CLK3: variants seen among roughly 807,000 people sequenced by gnomAD.
CLK3 encodes CDC like kinase 3, also known as dual specificity protein kinase CLK3.
In CLK3, 24 loss-of-function variants were observed where a neutral mutation model predicts 65.2. The ratio of observed to expected loss-of-function variants is 0.37; its 90% CI spans 0.27 to 0.52. The LOEUF is 0.52. Among genes scored for constraint, CLK3 ranks in the 20% least tolerant of loss-of-function variants. CLK3 has a pLI of 0.92. For missense variants in CLK3, 506 were observed against 660.0 expected (o/e 0.77, Z 2.56); for synonymous variants, 252 against 240.8 (o/e 1.05, Z -0.43).
In CLK3 at chr15:74,624,529, G is replaced by T; in HGVS notation, c.534-373G>T. The T allele has an allele frequency of 5.1e-6, 1 of 195,308 alleles. No homozygotes were observed. Among genetic ancestry groups the T allele is most frequent in the Non-Finnish European group, 1.0e-5 (1 of 97,368 alleles). 12.1% of individuals were successfully genotyped at this position (195,308 alleles called of 1,614,324 possible). A position where few individuals can be genotyped will look rare whatever the true frequency, so the allele number is the denominator to read the frequency against. On this transcript the variant is annotated intron_variant, in intron 5 of 12. Transcript: ENST00000395066. The surrounding 1 kb of genome is among the most constrained non-coding windows in gnomAD (Gnocchi z 4.2). ...GGCGCCGCAGGAGGGTTCTCGGTGG[G>T]ACAGCCTGGCCAGGGTTGGGGCTGC...
chr15:74,623,197 C>T (rs1314959933), intron 5 of CLK3, among the ~76,000 whole-genome samples: 1 of 152,234 alleles, frequency 6.6e-6, no homozygotes, highest in East Asian at 1.9e-4. Flanking sequence ...TTCCACAAGA[C>T]TAGAACATTT....
chr15:74,610,741 T>C (rs2061979335), intron 1 of CLK3, among the ~76,000 whole-genome samples: 1 of 152,260 alleles, frequency 6.6e-6, no homozygotes, highest in Non-Finnish European at 1.5e-5. Flanking sequence ...CCAGCAGGAC[T>C]GCTGTGGCAT....
intron 6 of CLK3, among the ~76,000 whole-genome samples, chr15:74,625,577 A>AC (rs1239013317): frequency 2.6e-5 from 4 of 151,794 alleles, no homozygotes; most frequent in South Asian, 4.2e-4. Context: ...CATCTCCCCT[A>AC]CCCCCCGCAG....
chr15:74,621,682 C>T lies in CLK3; in HGVS notation c.370-438C>T, dbSNP rs765471279. ...GGGGCCAGCTGCCTTCTTGCGCCGC[C>T]GTTCTCACTGCATCTTCCGCTCTGG... On this transcript the variant is annotated intron_variant, in intron 3 of 12. Coordinates refer to ENST00000395066, the MANE Select transcript of CLK3 (RefSeq NM_001130028.2). The surrounding 1 kb of genome is among the most constrained non-coding windows in gnomAD (Gnocchi z 4.8). The T allele has an allele frequency of 1.6e-4, 52 of 319,480 alleles. No individual in the cohort carries two copies. The highest frequency in any genetic ancestry group is 1.1e-3 in the Middle Eastern group (1 of 890). The allele number at this position is 319,480 out of a possible 1,614,324, so 19.8% of individuals were successfully genotyped here.
chr15:74,616,079 C>T, intron 1 of CLK3, 181 bp downstream of exon 1: 1 of 462,850 alleles, frequency 2.2e-6, no homozygotes, highest in East Asian at 3.6e-5. Context: ...AGGGCGGTCA[C>T]TGCAGACCCT....
At position 74,617,638 on chromosome 15, in the gene CLK3, C is replaced by T. The variant is rs554636332; in HGVS notation, c.1-1559C>T. Reference sequence around the variant, plus strand: ...GTATGGACATAAGAATCTTCTAGGTCCCAGGAGGTAGTCTTTGGCGTGGTG... The same window carrying T: ...GTATGGACATAAGAATCTTCTAGGTTCCAGGAGGTAGTCTTTGGCGTGGTG... On this transcript the variant is annotated intron_variant, in intron 1 of 12. Transcript: ENST00000395066. Among the ~76,000 whole-genome samples, 3 of 152,312 alleles carry T rather than the reference C, an allele frequency of 2.0e-5. No individual in the cohort carries two copies. In the South Asian group the frequency reaches 6.2e-4, roughly 32 times the overall value.
At chr15:74,615,547 C>T (rs1459221696), upstream of CLK3, 1 of 1,279,994 alleles carries the variant, frequency 7.8e-7, no homozygotes. Flanking sequence ...GGTCGGGGCC[C>T]CACCTCTCGG....
At chr15:74,628,529 T>A in intron 10 of CLK3, 75 bp from the exon 11 acceptor site, 1 of 1,118,424 alleles carries the variant, frequency 8.9e-7, no homozygotes, top group South Asian at 1.5e-5. Flanking sequence ...CTTGCCCATC[T>A]TTCTTGTTCC....
chr15:74,627,434 C>T lies in CLK3; in HGVS notation c.900C>T (p.Tyr300=). 6.2e-7 allele frequency: 1 copy of T among 1,614,206 alleles called. No homozygotes were observed. The highest frequency in any genetic ancestry group is 8.5e-7 in the Non-Finnish European group (1 of 1,180,004). ...TGAATTCTGAGTTTGAAACCCTCTACAATGAGCACAAGGTATTGGTGGGGG... is the reference window on the plus strand; with the variant it reads ...TGAATTCTGAGTTTGAAACCCTCTATAATGAGCACAAGGTATTGGTGGGGG... ...LFVNSEFETL[Y]NEHKSCEEKS... Residue 300 remains tyrosine (Y), a synonymous_variant, in exon 8 of 13, where the codon TAC becomes TAT. Coordinates refer to ENST00000395066, the MANE Select transcript of CLK3 (RefSeq NM_001130028.2). This position sits in a 1 kb window ranked among gnomAD's most constrained non-coding sequence, Gnocchi z 4.3.
Position 74,628,649 on chromosome 15 carries a change from G to A in CLK3, c.1171G>A (p.Gly391Arg). Residue 391 changes from glycine (G) to arginine (R), a missense_variant, in exon 11 of 13, where the codon GGG (glycine) becomes AGG (arginine). Transcript: ENST00000395066. ...EHLVMMEKIL[G>R]PIPSHMIHRT... ...CCTGGTGATGATGGAGAAGATCCTAGGGCCCATCCCATCACACATGATCCA... is the reference window on the plus strand; with the variant it reads ...CCTGGTGATGATGGAGAAGATCCTAAGGCCCATCCCATCACACATGATCCA... 6.2e-7 allele frequency: 1 copy of A among 1,613,648 alleles called. No homozygotes were observed. Among genetic ancestry groups the A allele is most frequent in the Non-Finnish European group, 8.5e-7 (1 of 1,179,754 alleles).
At chr15:74,611,451 C>T (rs946921828), upstream of CLK3, among the ~76,000 whole-genome samples, 7 of 152,240 alleles carry the variant, frequency 4.6e-5, no homozygotes, top group Admixed American at 2.6e-4. Context: ...CTTGTGCTCC[C>T]GCCTCTGCAG....
At chr15:74,609,681 ACT>A (rs1196478518) in intron 1 of CLK3, among the ~76,000 whole-genome samples, 1 of 151,968 alleles carries the variant, frequency 6.6e-6, no homozygotes, top group Non-Finnish European at 1.5e-5. Context: ...TGGCATGGAG[ACT>A]CTGGGTCCCG....
At chr15:74,618,744 G>A (rs944408000) in intron 1 of CLK3, among the ~76,000 whole-genome samples, 3 of 152,196 alleles carry the variant, frequency 2.0e-5, no homozygotes, top group South Asian at 2.1e-4. Flanking sequence ...TTGAGCCCTC[G>A]CCTCCTGTGT....
In CLK3 at chr15:74,621,657, G is replaced by A. The variant is rs113299058; in HGVS notation, c.370-463G>A. 11 of 308,586 alleles carry A rather than the reference G, an allele frequency of 3.6e-5. No individual in the cohort carries two copies. The East Asian group carries it at 7.5e-4, about 21-fold the overall frequency. 19.1% of individuals were successfully genotyped at this position (308,586 alleles called of 1,614,324 possible). On this transcript the variant is annotated intron_variant, in intron 3 of 12. Transcript: ENST00000395066. The surrounding 1 kb of genome is among the most constrained non-coding windows in gnomAD (Gnocchi z 4.8). ...CCAGTCTGGATGGTTGGACCCAGGCGGGGCCAGCTGCCTTCTTGCGCCGCC... is the reference window on the plus strand; with the variant it reads ...CCAGTCTGGATGGTTGGACCCAGGCAGGGCCAGCTGCCTTCTTGCGCCGCC...
Position 74,627,547 on chromosome 15 carries a change from G to A in CLK3, c.921G>A (p.Glu307=), listed in dbSNP as rs149199059. ...CCTGCCTTGCCTTTCAGAGCTGTGA[G>A]GAGAAGTCAGTGAAGAACACCAGCA... is the stretch of plus-strand genomic sequence containing the variant. The part of the protein sequence containing the change: ...ETLYNEHKSC[E]EKSVKNTSIR... The change falls in exon 9 of 13, where the codon GAG becomes GAA. Residue 307 remains glutamate (E), a synonymous_variant. Coordinates refer to ENST00000395066, the MANE Select transcript of CLK3 (RefSeq NM_001130028.2). The surrounding 1 kb of genome is among the most constrained non-coding windows in gnomAD (Gnocchi z 4.3). 2.5e-6 allele frequency: 4 copies of A among 1,614,088 alleles called. No individual in the cohort carries two copies. The African/African-American group carries it at 4.0e-5, about 16-fold the overall frequency.
At chr15:74,628,175 C>T in intron 10 of CLK3, 123 bp downstream of exon 10, 2 of 723,238 alleles carry the variant, frequency 2.8e-6, no homozygotes, top group Non-Finnish European at 5.0e-6. Flanking sequence ...CACTAATCAT[C>T]ATGTGAGATT....
Position 74,627,480 on chromosome 15 carries a change from A to T in CLK3, c.912+34A>T. The T allele has an allele frequency of 6.2e-7, 1 of 1,614,182 alleles. No individual in the cohort carries two copies. Among genetic ancestry groups the T allele is most frequent in the Non-Finnish European group, 8.5e-7 (1 of 1,179,978 alleles). On this transcript the variant is annotated intron_variant, in intron 8 of 12. Transcript: ENST00000395066. This position sits in a 1 kb window ranked among gnomAD's most constrained non-coding sequence, Gnocchi z 4.3. ...GGGGGTAAGGGTGAGGCCCTGTTTC[A>T]GGGGTGGGTTACCCGCTGGTGCAGA...
At position 74,619,326 on chromosome 15, in the gene CLK3, C is replaced by G; in HGVS notation, c.130C>G (p.Pro44Ala). 3 of 1,614,132 alleles carry G rather than the reference C, an allele frequency of 1.9e-6. No homozygotes were observed. The highest frequency in any genetic ancestry group is 2.5e-6 in the Non-Finnish European group (3 of 1,179,992). ...LRYPSRREPP[P>A]RRSRSRSHDR... is the part of the protein sequence containing the mutation. Reference sequence around the variant, plus strand: ...ATACCCGTCCCGAAGGGAGCCTCCCCCACGAAGATCTCGGTCCAGAAGGTG... The same window carrying G: ...ATACCCGTCCCGAAGGGAGCCTCCCGCACGAAGATCTCGGTCCAGAAGGTG... Residue 44 changes from proline to alanine, a missense_variant, in exon 2 of 13, where the codon CCA becomes GCA. By Grantham distance (27) the Pro-to-Ala change is conservative. Coordinates refer to ENST00000395066, the MANE Select transcript of CLK3 (RefSeq NM_001130028.2).
Position 74,622,308 on chromosome 15 carries a change from G to C in CLK3, c.466+92G>C. 7.8e-7 allele frequency: 1 copy of C among 1,279,870 alleles called. No homozygotes were observed. Among genetic ancestry groups the C allele is most frequent in the South Asian group, 1.3e-5 (1 of 75,274 alleles). The allele number at this position is 1,279,870 out of a possible 1,614,324, so 79.3% of individuals were successfully genotyped here. A position where few individuals can be genotyped will look rare whatever the true frequency, so the allele number is the denominator to read the frequency against. ...CTGCCTGGAGGGGCCTCTAGTGCGC[G>C]TGGTGCCTTAGCGGGGCCACCAGTA... On this transcript the variant is annotated intron_variant, in intron 4 of 12. Coordinates refer to ENST00000395066, the MANE Select transcript of CLK3 (RefSeq NM_001130028.2). This position sits in a 1 kb window ranked among gnomAD's most constrained non-coding sequence, Gnocchi z 4.6.
Sources: gnomAD v4.1 joint callset for allele counts (sites outside exome capture counted in the v4.1 genomes callset) on GRCh38, gnomAD v4.1.1 for gene constraint, Gnocchi (gnomAD v3.1) non-coding constraint, MANE v1.5 for transcripts, NCBI Gene and HGNC (gene_info 2026-07-23, HGNC 2026-07-21) for gene names.